The following STAP1 variants were observed in gnomAD, a reference collection of about 807,000 sequenced individuals.
The protein encoded by STAP1 is signal-transducing adaptor protein 1.
In STAP1, 30 loss-of-function variants were observed where a neutral mutation model predicts 37.8. That is an observed-to-expected ratio of 0.79 (90% confidence interval 0.59 to 1.08). The LOEUF (loss-of-function observed/expected upper bound fraction) is 1.08, where lower values mean the gene tolerates loss of function less well. Ranked by LOEUF, STAP1 falls within the 50% of genes least tolerant of loss-of-function variation. STAP1 has a pLI of 0.00. For synonymous variants in STAP1, 130 were observed against 116.0 expected (o/e 1.12, Z -0.78); for missense variants, 357 against 349.4 (o/e 1.02, Z -0.17).
intron 8 of STAP1, among the ~76,000 whole-genome samples, chr4:67,600,815 A>G (rs2109878475): frequency 6.6e-6 from 1 of 152,174 alleles, no homozygotes; most frequent in Non-Finnish European, 1.5e-5. Flanking sequence ...TTAGATTTCT[A>G]TTTGTGGAAT....
In STAP1 at chr4:67,575,389, T is replaced by C. The variant is rs1467408511; in HGVS notation, c.197T>C (p.Val66Ala). Residue 66 changes from valine to alanine, a missense_variant, in exon 3 of 9, where the codon GTT becomes GCT. Transcript: ENST00000265404. The part of the protein sequence containing the change: ...FYTDKKSIIY[V>A]DKLDIVDLTC... ...GATCTTCCTTTATCTTTGCAGTATG[T>C]TGACAAATTAGACATAGTAGACCTC... 1 of 1,583,398 alleles carries C rather than the reference T, an allele frequency of 6.3e-7. No homozygotes were observed. The highest frequency in any genetic ancestry group is 2.0e-5 in the Admixed American group (1 of 50,976).
chr4:67,601,034 G>A (rs1728330855), intron 8 of STAP1, among the ~76,000 whole-genome samples: 2 of 151,796 alleles, frequency 1.3e-5, no homozygotes, highest in African/African-American at 4.8e-5. Flanking sequence ...TTGTTTTGTG[G>A]TCTTCTCTTC....
chr4:67,597,010 A>G (rs948460372), intron 8 of STAP1, among the ~76,000 whole-genome samples: 3 of 152,220 alleles, frequency 2.0e-5, no homozygotes, highest in African/African-American at 7.2e-5. Flanking sequence ...CACCAAGACA[A>G]TGGGGAAAAT....
At chr4:67,597,826 C>G (rs1283255885) in intron 8 of STAP1, among the ~76,000 whole-genome samples, 1 of 152,210 alleles carries the variant, frequency 6.6e-6, no homozygotes, top group Non-Finnish European at 1.5e-5. Context: ...CCCATTGTAT[C>G]TTGGAAGTAA....
At chr4:67,564,641 A>G (rs1427550106) in intron 1 of STAP1, among the ~76,000 whole-genome samples, 2 of 152,106 alleles carry the variant, frequency 1.3e-5, no homozygotes. Context: ...TAGAAGCCAT[A>G]CTTTAGTAAA....
At chr4:67,571,656 T>C (rs1248480733) in intron 2 of STAP1, among the ~76,000 whole-genome samples, 1 of 152,230 alleles carries the variant, frequency 6.6e-6, no homozygotes, top group East Asian at 1.9e-4. Context: ...TTCTGAGGTT[T>C]ATTTATTCAT....
chr4:67,591,890 A>G (rs1177088115), intron 7 of STAP1, among the ~76,000 whole-genome samples: 1 of 152,208 alleles, frequency 6.6e-6, no homozygotes, highest in Non-Finnish European at 1.5e-5. Flanking sequence ...AATAAAATTC[A>G]ATAAAGAAGG....
intron 8 of STAP1, among the ~76,000 whole-genome samples, chr4:67,604,015 GGT>G (rs969730275): frequency 1.3e-5 from 2 of 152,160 alleles, no homozygotes; most frequent in Non-Finnish European, 2.9e-5. Flanking sequence ...TTTAGCCTGT[GGT>G]GTTGAGACTA....
chr4:67,590,214 A>G (rs1322902328), intron 6 of STAP1, among the ~76,000 whole-genome samples: 1 of 152,256 alleles, frequency 6.6e-6, no homozygotes, highest in Admixed American at 6.5e-5. Flanking sequence ...TTCATAATCA[A>G]TAAAATACCC....
intron 8 of STAP1, among the ~76,000 whole-genome samples, chr4:67,601,277 C>A (rs72642336): frequency 0.24 from 36,060 of 152,046 alleles, 4,940 homozygotes; most frequent in Admixed American, 0.34. Flanking sequence ...TATGTACCCA[C>A]ACTTTTAAAT....
intron 8 of STAP1, among the ~76,000 whole-genome samples, chr4:67,602,630 G>A (rs1728368262): frequency 6.6e-6 from 1 of 152,180 alleles, no homozygotes. Context: ...ATGGTCTTGG[G>A]TAAGATCTAA....
intron 8 of STAP1, among the ~76,000 whole-genome samples, chr4:67,604,335 G>A (rs1029860987): frequency 7.9e-5 from 12 of 152,282 alleles, no homozygotes; most frequent in Non-Finnish European, 1.6e-4. Context: ...ACCAAGTACT[G>A]TAATTGCTCA....
chr4:67,587,181 A>G (rs1024334248), intron 6 of STAP1, among the ~76,000 whole-genome samples: 1 of 152,226 alleles, frequency 6.6e-6, no homozygotes, highest in Admixed American at 6.5e-5. Context: ...AGAATTTGGT[A>G]GAAACCTCGG....
chr4:67,572,115 G>C (rs1048292719), intron 2 of STAP1, among the ~76,000 whole-genome samples: 5 of 152,174 alleles, frequency 3.3e-5, no homozygotes, highest in Admixed American at 3.3e-4. Flanking sequence ...GCCTGCCTGG[G>C]TGTTTGTCCT....
At chr4:67,594,846 G>C (rs1272515892) in intron 8 of STAP1, among the ~76,000 whole-genome samples, 2 of 152,032 alleles carry the variant, frequency 1.3e-5, no homozygotes, top group African/African-American at 4.8e-5. Flanking sequence ...TTTTATCTGG[G>C]AAAGTATCTA....
chr4:67,560,797 G>C (rs550177622), intron 1 of STAP1, among the ~76,000 whole-genome samples: 2 of 152,104 alleles, frequency 1.3e-5, no homozygotes, highest in South Asian at 4.1e-4. Flanking sequence ...GACTACAAGC[G>C]CATACCACAC....
intron 6 of STAP1, among the ~76,000 whole-genome samples, chr4:67,584,688 TAGA>T (rs35701196): frequency 0.19 from 29,619 of 152,030 alleles, 3,091 homozygotes; most frequent in South Asian, 0.3. Flanking sequence ...TGCCTTGAGA[TAGA>T]AGAATGCTTG....
rs571591429 is a variant in STAP1, at chr4:67,606,645, T to C, written c.*288T>C. ...CACATAGTACTTTCTAGATGGAATT[T>C]TTTTCTTTAGGCCTCAATGAAATAC... is the stretch of plus-strand genomic sequence containing the variant. On this transcript the variant is annotated 3_prime_UTR_variant, in exon 9 of 9. Coordinates refer to ENST00000265404, the MANE Select transcript of STAP1 (RefSeq NM_012108.4). 1 of 241,054 alleles carries C rather than the reference T, an allele frequency of 4.1e-6. No individual in the cohort carries two copies. The highest frequency in any genetic ancestry group is 5.5e-5 in the Admixed American group (1 of 18,046). 14.9% of individuals were successfully genotyped at this position (241,054 alleles called of 1,614,324 possible).
rs751866478 is a variant in STAP1 at position 67,605,948 on chromosome 4, C to T, written c.827-348C>T. The stretch of plus-strand genomic sequence containing the variant: ...TTTGATCCCTGTTAACCCATGTCAG[C>T]ATTTGGCTCTCTCTTACACCAGAAG... On this transcript the variant is annotated intron_variant, in intron 8 of 8. Coordinates refer to ENST00000265404, the MANE Select transcript of STAP1 (RefSeq NM_012108.4). 2.0e-5 allele frequency among the ~76,000 whole-genome samples: 3 copies of T among 152,094 alleles called. No homozygotes were observed. The East Asian group carries it at 5.8e-4, about 29-fold the overall frequency.
Sources: allele counts gnomAD v4.1 joint callset (sites outside exome capture counted in the v4.1 genomes callset), GRCh38; gene constraint gnomAD v4.1.1; transcripts MANE v1.5; gene names NCBI Gene and HGNC (gene_info 2026-07-23, HGNC 2026-07-21).